ELOVL6: variants seen among roughly 807,000 people sequenced by gnomAD.
The protein encoded by ELOVL6 is very long chain fatty acid elongase 6.
A neutral mutation model predicts 31.7 loss-of-function variants in ELOVL6; 8 were observed. The observed-to-expected ratio is 0.25, with a 90% CI of 0.15 to 0.45. The LOEUF is 0.45. Ranked by LOEUF, ELOVL6 falls within the 20% of genes least tolerant of loss-of-function variation. The pLI is 1.00. For missense variants in ELOVL6, 126 were observed against 326.4 expected (o/e 0.39, Z 4.73); for synonymous variants, 101 against 117.7 (o/e 0.86, Z 0.92).
intron 1 of ELOVL6, among the ~76,000 whole-genome samples, chr4:110,153,189 C>T (rs1379170599): frequency 6.6e-6 from 1 of 152,160 alleles, no homozygotes; most frequent in African/African-American, 2.4e-5. Flanking sequence ...TGAAAACTTT[C>T]TGGTATCACT....
intron 1 of ELOVL6, among the ~76,000 whole-genome samples, chr4:110,121,802 C>G (rs1405686774): frequency 6.6e-6 from 1 of 152,182 alleles, no homozygotes; most frequent in African/African-American, 2.4e-5. Flanking sequence ...TTCACTTTGT[C>G]TCCAATAGAA....
chr4:110,104,300 A>C (rs1756827809), intron 2 of ELOVL6, among the ~76,000 whole-genome samples: 2 of 152,240 alleles, frequency 1.3e-5, no homozygotes, highest in Admixed American at 1.3e-4. Context: ...TATTATAGAG[A>C]ATCATGATCT....
At chr4:110,091,455 G>A (rs2126239765) in intron 2 of ELOVL6, among the ~76,000 whole-genome samples, 1 of 152,246 alleles carries the variant, frequency 6.6e-6, no homozygotes, top group Middle Eastern at 3.4e-3. Flanking sequence ...CCCTTGTCCT[G>A]GAAAGTTAGT....
chr4:110,069,195 T>C (rs964213405), intron 2 of ELOVL6, among the ~76,000 whole-genome samples: 1 of 150,638 alleles, frequency 6.6e-6, no homozygotes, highest in African/African-American at 2.4e-5. Context: ...CCATAATGGA[T>C]GTCAACTAGC....
intron 1 of ELOVL6, among the ~76,000 whole-genome samples, chr4:110,164,720 G>A (rs1758719902): frequency 7.8e-6 from 1 of 128,444 alleles, no homozygotes; most frequent in Admixed American, 8.4e-5. Context: ...CAGCCTGGGT[G>A]AAAGTGGGAC....
At chr4:110,071,664 C>G (rs60282733) in intron 2 of ELOVL6, among the ~76,000 whole-genome samples, 28,386 of 152,022 alleles carry the variant, frequency 0.19, 2,819 homozygotes, top group African/African-American at 0.25. Context: ...TCCACCGCTC[C>G]CTCCCGGAAC....
At position 110,136,320 on chromosome 4, in the gene ELOVL6, A is replaced by G. The variant is rs1184449732; in HGVS notation, c.90-30692T>C. On this transcript the variant is annotated intron_variant, in intron 1 of 3. Transcript: ENST00000302274. ...TATAAAGTGTTTAAAGGCTGTGCTG[A>G]TAGTTCTTCTGAGTAGAATTCCTAC... 2.0e-5 allele frequency among the ~76,000 whole-genome samples: 3 copies of G among 152,336 alleles called. No individual in the cohort carries two copies. In the East Asian group the frequency reaches 5.8e-4, roughly 29 times the overall value.
intron 1 of ELOVL6, among the ~76,000 whole-genome samples, chr4:110,181,109 G>T (rs966767595): frequency 1.3e-5 from 2 of 151,684 alleles, no homozygotes; most frequent in African/African-American, 4.8e-5. Flanking sequence ...CTATCCTCCA[G>T]CGTGGGAGAC....
chr4:110,090,959 C>T (rs1756409112), intron 2 of ELOVL6, among the ~76,000 whole-genome samples: 1 of 152,040 alleles, frequency 6.6e-6, no homozygotes, highest in Non-Finnish European at 1.5e-5. Flanking sequence ...GTAATTTTAC[C>T]TTATGTGTGA....
At chr4:110,088,590 G>T (rs1001391045) in intron 2 of ELOVL6, among the ~76,000 whole-genome samples, 3 of 152,156 alleles carry the variant, frequency 2.0e-5, no homozygotes, top group Non-Finnish European at 4.4e-5. Context: ...TTAACATATA[G>T]TATTTTTTTC....
chr4:110,169,839 C>CT (rs1758892568), intron 1 of ELOVL6, among the ~76,000 whole-genome samples: 1 of 132,296 alleles, frequency 7.6e-6, no homozygotes, highest in African/African-American at 2.9e-5. Context: ...GAGTTTCCCT[C>CT]TTGTTGCCCA....
chr4:110,173,588 G>A (rs533808332), intron 1 of ELOVL6, among the ~76,000 whole-genome samples: 315 of 146,736 alleles, frequency 2.1e-3, no homozygotes, highest in African/African-American at 7.7e-3. Flanking sequence ...AAAATTCCTT[G>A]ATCAGGTCAA....
At chr4:110,094,192 C>T (rs572630333) in intron 2 of ELOVL6, among the ~76,000 whole-genome samples, 18 of 147,498 alleles carry the variant, frequency 1.2e-4, no homozygotes, top group Non-Finnish European at 1.8e-4. Flanking sequence ...GAGGCTGCAG[C>T]GAGCCAAGAT....
At chr4:110,164,985 C>T (rs972913752) in intron 1 of ELOVL6, among the ~76,000 whole-genome samples, 1 of 151,958 alleles carries the variant, frequency 6.6e-6, no homozygotes, top group Admixed American at 6.6e-5. Context: ...ACTACACGTG[C>T]ACCCCACCAC....
At chr4:110,198,203 G>GCGGA in intron 1 of ELOVL6, 44 bp downstream of exon 1, 1 of 1,204,158 alleles carries the variant, frequency 8.3e-7, no homozygotes, top group Non-Finnish European at 1.2e-6. Context: ...CCGGGAAGAC[G>GCGGA]CGCAGGGCTC....
chr4:110,151,041 T>C (rs1758265196), intron 1 of ELOVL6, among the ~76,000 whole-genome samples: 1 of 145,924 alleles, frequency 6.9e-6, no homozygotes, highest in East Asian at 2.0e-4. Flanking sequence ...AGACTCCGTC[T>C]GAAAAAAAAA....
In ELOVL6 at chr4:110,048,014, G is replaced by T. The variant is rs1754743183; in HGVS notation, c.*3324C>A. ...CATATGAAGTTTCTAACTCAGTCTA[G>T]ACATATTAGTCTCTTTTCTCATCAG... is the stretch of plus-strand genomic sequence containing the variant. On this transcript the variant is annotated 3_prime_UTR_variant, in exon 4 of 4. Transcript: ENST00000302274. 1 of 151,346 alleles carries T rather than the reference G, an allele frequency of 6.6e-6. No homozygotes were observed. Among genetic ancestry groups the T allele is most frequent in the Non-Finnish European group, 1.5e-5 (1 of 67,970 alleles). 9.4% of individuals were successfully genotyped at this position (151,346 alleles called of 1,614,324 possible). A position where few individuals can be genotyped will look rare whatever the true frequency, so the allele number is the denominator to read the frequency against.
intron 2 of ELOVL6, among the ~76,000 whole-genome samples, chr4:110,084,122 CATATATGTGATAATGAT>C (rs1756043598): frequency 4.2e-5 from 3 of 71,888 alleles, no homozygotes; most frequent in Non-Finnish European, 6.5e-5. Flanking sequence ...ATATATATAA[CATATATGTGATAATGAT>C]ATATATGATA....
intron 1 of ELOVL6, among the ~76,000 whole-genome samples, chr4:110,138,099 T>C (rs1757859990): frequency 6.6e-6 from 1 of 152,236 alleles, no homozygotes; most frequent in Non-Finnish European, 1.5e-5. Flanking sequence ...CTTAGGTTTC[T>C]AAAGAGCAGT....
Sources: gnomAD v4.1 joint callset for allele counts (sites outside exome capture counted in the v4.1 genomes callset) on GRCh38, gnomAD v4.1.1 for gene constraint, MANE v1.5 for transcripts, NCBI Gene and HGNC (gene_info 2026-07-23, HGNC 2026-07-21) for gene names.